The following MYO9B variants were observed in gnomAD, a reference collection of about 807,000 sequenced individuals.
The protein encoded by MYO9B is unconventional myosin-IXb.
Under a neutral mutation model 229.5 loss-of-function variants are expected in MYO9B, and 71 were observed. That is an observed-to-expected ratio of 0.31 (90% confidence interval 0.26 to 0.38). MYO9B has a LOEUF of 0.38. Among genes scored for constraint, MYO9B ranks in the 10% least tolerant of loss-of-function variants. The pLI, the probability that MYO9B is intolerant of heterozygous loss-of-function variation, is 1.00. For missense variants in MYO9B, 2,255 were observed against 2,920.5 expected (o/e 0.77, Z 5.25); for synonymous variants, 1,185 against 1,235.8 (o/e 0.96, Z 0.86).
chr19:17,204,175 C>T (rs962440933), intron 30 of MYO9B, among the ~76,000 whole-genome samples: 10 of 152,090 alleles, frequency 6.6e-5, no homozygotes, highest in Admixed American at 5.2e-4. Flanking sequence ...CGTCCCCTCA[C>T]CTGATTCCAT....
chr19:17,207,840 G>C (rs1599429029), intron 35 of MYO9B: 1 of 152,130 alleles, frequency 6.6e-6, no homozygotes, highest in Middle Eastern at 3.4e-3. Context: ...GAGAAATCCT[G>C]TCTCTACTAA....
chr19:17,212,512 C>G lies in MYO9B; in HGVS notation c.*202C>G. ...GAGCCAGGCCCCCTCGCACGCAGCCCCCAAATCATGGACGCACCTGTGGGG... is the reference window on the plus strand; with the variant it reads ...GAGCCAGGCCCCCTCGCACGCAGCCGCCAAATCATGGACGCACCTGTGGGG... On this transcript the variant is annotated 3_prime_UTR_variant, in exon 40 of 40. Coordinates refer to ENST00000682292, the MANE Select transcript of MYO9B (RefSeq NM_004145.4). This position sits in a 1 kb window ranked among gnomAD's most constrained non-coding sequence, Gnocchi z 5.4. 1 of 551,868 alleles carries G rather than the reference C, an allele frequency of 1.8e-6. No homozygotes were observed. The highest frequency in any genetic ancestry group is 2.0e-5 in the African/African-American group (1 of 51,130). The allele number at this position is 551,868 out of a possible 1,614,324, so 34.2% of individuals were successfully genotyped here.
At chr19:17,208,082 G>A (rs1420915888) in intron 35 of MYO9B, 1 of 151,862 alleles carries the variant, frequency 6.6e-6, no homozygotes, top group Non-Finnish European at 1.5e-5. Context: ...CTACTGGGAG[G>A]TGGAGGCTAC....
chr19:17,134,054 C>CT (rs1404885210), intron 2 of MYO9B, among the ~76,000 whole-genome samples: 1 of 152,162 alleles, frequency 6.6e-6, no homozygotes, highest in East Asian at 1.9e-4. Flanking sequence ...AGCCACCATG[C>CT]CTGGCCTGCT....
At chr19:17,117,179 T>A (rs1459101893) in intron 2 of MYO9B, among the ~76,000 whole-genome samples, 1 of 152,170 alleles carries the variant, frequency 6.6e-6, no homozygotes, top group Non-Finnish European at 1.5e-5. Flanking sequence ...CTATCGGCGA[T>A]GTCAGCCTCA....
At chr19:17,095,020 C>G (rs2057674343) in intron 1 of MYO9B, among the ~76,000 whole-genome samples, 1 of 152,186 alleles carries the variant, frequency 6.6e-6, no homozygotes, top group Non-Finnish European at 1.5e-5. Flanking sequence ...GGGCAGATCA[C>G]TTGAAGTCAG....
intron 37 of MYO9B, 50 bp downstream of exon 37, chr19:17,210,430 A>G (rs1035227183): frequency 6.6e-7 from 1 of 1,522,838 alleles, no homozygotes; most frequent in Non-Finnish European, 8.8e-7. Flanking sequence ...GGTGCAGTGC[A>G]TGCTGGGGTT....
chr19:17,176,528 CAGAA>C (rs1180587647), intron 14 of MYO9B, among the ~76,000 whole-genome samples: 4 of 152,192 alleles, frequency 2.6e-5, no homozygotes, highest in Non-Finnish European at 5.9e-5. Context: ...CCATTTGAAA[CAGAA>C]AGACCCAGAA....
intron 1 of MYO9B, among the ~76,000 whole-genome samples, chr19:17,076,162 A>T (rs1252506074): frequency 2.0e-5 from 3 of 148,890 alleles, no homozygotes; most frequent in Non-Finnish European, 4.5e-5. Context: ...TTAAGTGGTA[A>T]TTGGGGGGTC....
chr19:17,175,824 CTTTTTTTTTT>C (rs534528766), intron 14 of MYO9B, 83 bp downstream of exon 14: 14 of 496,924 alleles, frequency 2.8e-5, no homozygotes, highest in Non-Finnish European at 4.5e-5. Flanking sequence ...ATGCTACATT[CTTTTTTTTTT>C]TTTTTTTTTT....
At chr19:17,081,921 G>A (rs975704375) in intron 1 of MYO9B, among the ~76,000 whole-genome samples, 3 of 152,010 alleles carry the variant, frequency 2.0e-5, no homozygotes, top group Non-Finnish European at 4.4e-5. Flanking sequence ...GCGTGTGCCT[G>A]GTGGGGAAGC....
intron 22 of MYO9B, among the ~76,000 whole-genome samples, chr19:17,196,171 T>G: frequency 7.2e-6 from 1 of 139,072 alleles, no homozygotes; most frequent in Non-Finnish European, 1.6e-5. Flanking sequence ...GGTGGATGGA[T>G]GGAAGATAGA....
Position 17,172,220 on chromosome 19 carries a change from C to T in MYO9B, c.1794-116C>T. On this transcript the variant is annotated intron_variant, in intron 11 of 39. Coordinates refer to ENST00000682292, the MANE Select transcript of MYO9B (RefSeq NM_004145.4). The surrounding 1 kb of genome is among the most constrained non-coding windows in gnomAD (Gnocchi z 8.2). ...CACAGAGCCCTGTGCCACTTCACTGCTCTGCCCACCCCATGCACCCACCCA... is the reference window on the plus strand; with the variant it reads ...CACAGAGCCCTGTGCCACTTCACTGTTCTGCCCACCCCATGCACCCACCCA... The T allele has an allele frequency of 7.4e-7, 1 of 1,354,308 alleles. No individual in the cohort carries two copies. Among genetic ancestry groups the T allele is most frequent in the East Asian group, 2.4e-5 (1 of 40,852 alleles). The allele number at this position is 1,354,308 out of a possible 1,614,324, so 83.9% of individuals were successfully genotyped here. A position where few individuals can be genotyped will look rare whatever the true frequency, so the allele number is the denominator to read the frequency against.
intron 13 of MYO9B, among the ~76,000 whole-genome samples, chr19:17,173,892 C>T (rs1454111889): frequency 6.6e-6 from 1 of 152,048 alleles, no homozygotes; most frequent in East Asian, 1.9e-4. Flanking sequence ...GCTTCTGTCT[C>T]CGGAAGGGGC....
At chr19:17,170,553 T>G (rs2072711592) in intron 11 of MYO9B, among the ~76,000 whole-genome samples, 1 of 148,538 alleles carries the variant, frequency 6.7e-6, no homozygotes, top group African/African-American at 2.5e-5. Flanking sequence ...GGCTCCCACC[T>G]GTAATTCCAA....
chr19:17,167,518 C>T (rs137942059), intron 10 of MYO9B, among the ~76,000 whole-genome samples: 4,733 of 148,300 alleles, frequency 0.032, 252 homozygotes, highest in African/African-American at 0.11. Flanking sequence ...TCTTGTTGCC[C>T]AGGCTGGAGT....
At chr19:17,179,095 G>A (rs1207762551) in intron 14 of MYO9B, among the ~76,000 whole-genome samples, 1 of 151,642 alleles carries the variant, frequency 6.6e-6, no homozygotes, top group Admixed American at 6.6e-5. Flanking sequence ...TCTCTGGGGT[G>A]GGCACCCGTC....
chr19:17,206,471 C>A, intron 33 of MYO9B, 95 bp downstream of exon 33: 1 of 1,509,822 alleles, frequency 6.6e-7, no homozygotes, highest in Admixed American at 2.0e-5. Flanking sequence ...ACCCAGTTCA[C>A]AAACTGAGAA....
At chr19:17,197,683 C>T in intron 22 of MYO9B, 109 bp from the exon 23 acceptor site, 1 of 1,267,378 alleles carries the variant, frequency 7.9e-7, no homozygotes, top group South Asian at 1.2e-5. Flanking sequence ...TGCCAAGTGT[C>T]CCCTGGCAGG....
Sources: gnomAD v4.1 joint callset for allele counts (sites outside exome capture counted in the v4.1 genomes callset) on GRCh38, gnomAD v4.1.1 for gene constraint, Gnocchi (gnomAD v3.1) non-coding constraint, MANE v1.5 for transcripts, NCBI Gene and HGNC (gene_info 2026-07-23, HGNC 2026-07-21) for gene names.